The following ANKDD1B variants were observed in gnomAD, a reference collection of about 807,000 sequenced individuals.
The protein encoded by ANKDD1B is ankyrin repeat and death domain-containing protein 1B.
Under a neutral mutation model 59.7 loss-of-function variants are expected in ANKDD1B, and 57 were observed. The ratio of observed to expected loss-of-function variants is 0.95; its 90% CI spans 0.77 to 1.19. The LOEUF (loss-of-function observed/expected upper bound fraction) is 1.19, where lower values mean the gene tolerates loss of function less well. Ranked by LOEUF, ANKDD1B falls within the 50% of genes most tolerant of loss-of-function variation. The pLI, the probability that ANKDD1B is intolerant of heterozygous loss-of-function variation, is 0.00. For synonymous variants in ANKDD1B, 216 were observed against 239.5 expected (o/e 0.90, Z 0.91); for missense variants, 602 against 641.9 (o/e 0.94, Z 0.67).
chr5:75,666,178 G>A (rs911040877), intron 11 of ANKDD1B, among the ~76,000 whole-genome samples: 2 of 152,166 alleles, frequency 1.3e-5, no homozygotes, highest in Non-Finnish European at 2.9e-5. Context: ...CAGAAAACAA[G>A]ATGCCAATCT....
intron 8 of ANKDD1B, among the ~76,000 whole-genome samples, chr5:75,654,832 G>A (rs1350922370): frequency 1.3e-4 from 20 of 152,048 alleles, no homozygotes; most frequent in Admixed American, 2.6e-4. Flanking sequence ...CCTCGTAGGC[G>A]CCTGTTCCCT....
At chr5:75,641,466 A>C (rs1173068388) in intron 7 of ANKDD1B, among the ~76,000 whole-genome samples, 1 of 152,226 alleles carries the variant, frequency 6.6e-6, no homozygotes, top group Non-Finnish European at 1.5e-5. Context: ...TACTCCCCAG[A>C]ACTAACATCC....
At chr5:75,616,315 T>C (rs1361328531) in intron 1 of ANKDD1B, among the ~76,000 whole-genome samples, 1 of 152,242 alleles carries the variant, frequency 6.6e-6, no homozygotes, top group African/African-American at 2.4e-5. Flanking sequence ...TAAAACATTT[T>C]AATCCCCTTT....
chr5:75,623,406 T>C (rs1450496848), intron 3 of ANKDD1B, among the ~76,000 whole-genome samples: 2 of 152,188 alleles, frequency 1.3e-5, no homozygotes, highest in Non-Finnish European at 2.9e-5. Flanking sequence ...TTACTAAATA[T>C]AGAGCGCTGA....
At chr5:75,618,273 A>C (rs1273685928) in intron 2 of ANKDD1B, among the ~76,000 whole-genome samples, 2 of 152,210 alleles carry the variant, frequency 1.3e-5, no homozygotes, top group Non-Finnish European at 2.9e-5. Context: ...TGACCGTGGA[A>C]GGTTAACTGT....
chr5:75,665,703 G>A (rs937212088), intron 11 of ANKDD1B, among the ~76,000 whole-genome samples: 12 of 152,152 alleles, frequency 7.9e-5, no homozygotes, highest in Admixed American at 2.6e-4. Flanking sequence ...CAAGCTTCCC[G>A]GGAGGAGCTT....
At chr5:75,617,936 G>A (rs1773753992) in intron 2 of ANKDD1B, among the ~76,000 whole-genome samples, 1 of 152,154 alleles carries the variant, frequency 6.6e-6, no homozygotes, top group South Asian at 2.1e-4. Flanking sequence ...GCGGCAGTAG[G>A]GGGGTGGTGT....
Position 75,616,800 on chromosome 5 carries a change from T to A in ANKDD1B, c.194-4T>A, listed in dbSNP as rs1205894546. ...TCAGTCATGCTTGCTTTGCTTTCTTTCAGTACTCCCAAATGAGAGAAGCTT... is the reference window on the plus strand; with the variant it reads ...TCAGTCATGCTTGCTTTGCTTTCTTACAGTACTCCCAAATGAGAGAAGCTT... On this transcript the variant is annotated splice_region_variant and splice_polypyrimidine_tract_variant and intron_variant, in intron 1 of 13. Transcript: ENST00000601380. 2 of 1,464,548 alleles carry A rather than the reference T, an allele frequency of 1.4e-6. No individual in the cohort carries two copies. The highest frequency in any genetic ancestry group is 1.8e-6 in the Non-Finnish European group (2 of 1,085,888). The allele number at this position is 1,464,548 out of a possible 1,614,324, so 90.7% of individuals were successfully genotyped here.
chr5:75,625,618 G>A (rs923549532), intron 3 of ANKDD1B, 29 bp from the exon 4 acceptor site: 7 of 1,518,126 alleles, frequency 4.6e-6, no homozygotes, highest in Non-Finnish European at 6.2e-6. Flanking sequence ...CAGAGTGATA[G>A]ATTCTCTTTT....
chr5:75,619,121 A>G (rs1025520783), intron 2 of ANKDD1B, among the ~76,000 whole-genome samples: 3 of 152,232 alleles, frequency 2.0e-5, no homozygotes, highest in Non-Finnish European at 4.4e-5. Context: ...AAATGGAGTC[A>G]CCGATATTAA....
At chr5:75,639,108 G>A (rs1231173424) in intron 7 of ANKDD1B, among the ~76,000 whole-genome samples, 1 of 152,156 alleles carries the variant, frequency 6.6e-6, no homozygotes, top group Non-Finnish European at 1.5e-5. Flanking sequence ...TTTAATAAAT[G>A]TTTTTCCCAC....
chr5:75,649,866 A>G (rs757632880), intron 7 of ANKDD1B, among the ~76,000 whole-genome samples: 1 of 152,220 alleles, frequency 6.6e-6, no homozygotes, highest in African/African-American at 2.4e-5. Context: ...CTACCAATCT[A>G]TGGATCAATT....
chr5:75,620,073 C>T (rs1369563468), intron 2 of ANKDD1B, among the ~76,000 whole-genome samples: 1 of 152,142 alleles, frequency 6.6e-6, no homozygotes, highest in African/African-American at 2.4e-5. Context: ...TAAGCTGAAA[C>T]AAGAATTTCA....
chr5:75,667,864 A>G (rs1206995702), intron 12 of ANKDD1B, among the ~76,000 whole-genome samples: 1 of 152,220 alleles, frequency 6.6e-6, no homozygotes, highest in African/African-American at 2.4e-5. Context: ...AGCACAGTCC[A>G]TGAGCACACA....
chr5:75,614,259 A>T (rs987090409), intron 1 of ANKDD1B, among the ~76,000 whole-genome samples: 2 of 152,206 alleles, frequency 1.3e-5, no homozygotes, highest in African/African-American at 4.8e-5. Context: ...AAAGATGCCA[A>T]ATGACACCTG....
intron 13 of ANKDD1B, 71 bp downstream of exon 13, chr5:75,669,454 A>C: frequency 8.0e-5 from 96 of 1,194,892 alleles, no homozygotes; most frequent in South Asian, 2.6e-4. Context: ...CAGAAATATC[A>C]TCCTGACCAG....
At chr5:75,631,629 A>C (rs997465746) in intron 5 of ANKDD1B, among the ~76,000 whole-genome samples, 1 of 152,158 alleles carries the variant, frequency 6.6e-6, no homozygotes, top group African/African-American at 2.4e-5. Context: ...TTTGCAACTA[A>C]GCGCTCATCT....
At chr5:75,667,293 G>C (rs1417867743) in intron 12 of ANKDD1B, among the ~76,000 whole-genome samples, 1 of 152,198 alleles carries the variant, frequency 6.6e-6, no homozygotes, top group Non-Finnish European at 1.5e-5. Context: ...CAACTGGACG[G>C]TCACTAAGGA....
At chr5:75,628,442 A>C (rs1410968902) in intron 5 of ANKDD1B, among the ~76,000 whole-genome samples, 1 of 152,214 alleles carries the variant, frequency 6.6e-6, no homozygotes, top group Non-Finnish European at 1.5e-5. Flanking sequence ...CTGGGATCAG[A>C]AGCTCAGGGT....
Sources: allele counts gnomAD v4.1 joint callset (sites outside exome capture counted in the v4.1 genomes callset), GRCh38; gene constraint gnomAD v4.1.1; transcripts MANE v1.5; gene names NCBI Gene and HGNC (gene_info 2026-07-23, HGNC 2026-07-21).